Variants in RNLS observed in about 807,000 individuals in gnomAD.
The protein encoded by RNLS is renalase, FAD dependent amine oxidase.
Under a neutral mutation model 39.8 loss-of-function variants are expected in RNLS, and 39 were observed. The ratio of observed to expected loss-of-function variants is 0.98; its 90% CI spans 0.76 to 1.28. RNLS has a LOEUF of 1.28. Ranked by LOEUF, RNLS falls within the 50% of genes most tolerant of loss-of-function variation. RNLS has a pLI of 0.00. For missense variants in RNLS, 410 were observed against 413.3 expected, an observed-to-expected ratio of 0.99 and a Z score of 0.07; for synonymous variants, 147 against 150.7, an observed-to-expected ratio of 0.98 and a Z score of 0.18.
the RNLS span, among the ~76,000 whole-genome samples, chr10:88,203,266 A>ATG: frequency 3.1e-3 from 31 of 10,138 alleles, 7 homozygotes; most frequent in East Asian, 0.056. Flanking sequence ...GTGTGTGTGT[A>ATG]TGTATATATA....
the RNLS span, among the ~76,000 whole-genome samples, chr10:88,213,201 C>T: frequency 1.3e-5 from 2 of 151,990 alleles, no homozygotes; most frequent in Admixed American, 1.3e-4. Context: ...AAATAAATTG[C>T]CATATAAGAT....
intron 6 of RNLS, among the ~76,000 whole-genome samples, chr10:88,286,793 G>GTTTTTTT (rs34199618): frequency 2.7e-5 from 4 of 148,648 alleles, no homozygotes; most frequent in Non-Finnish European, 6.0e-5. Context: ...TTCCCTTACA[G>GTTTTTTT]TTTTTTTTTT....
chr10:88,238,734 A>T, the RNLS span, among the ~76,000 whole-genome samples: 4 of 152,234 alleles, frequency 2.6e-5, no homozygotes, highest in African/African-American at 9.6e-5. Flanking sequence ...GGCTGGGAGT[A>T]GGTTACACAA....
At chr10:88,569,739 T>C (rs1351845922) in intron 4 of RNLS, among the ~76,000 whole-genome samples, 1 of 152,156 alleles carries the variant, frequency 6.6e-6, no homozygotes, top group South Asian at 2.1e-4. Context: ...ATTTAATAAG[T>C]GGTGTTGGGA....
chr10:88,502,596 T>C (rs1371383965), intron 4 of RNLS, among the ~76,000 whole-genome samples: 1 of 152,146 alleles, frequency 6.6e-6, no homozygotes, highest in Non-Finnish European at 1.5e-5. Flanking sequence ...AATAAACCTC[T>C]TTTCTTTATA....
chr10:88,205,377 C>T, the RNLS span, among the ~76,000 whole-genome samples: 15 of 152,122 alleles, frequency 9.9e-5, no homozygotes, highest in African/African-American at 3.6e-4. Context: ...GAGTGAGCCT[C>T]TCTGTGAACG....
chr10:88,245,905 C>T, the RNLS span, among the ~76,000 whole-genome samples: 1 of 152,130 alleles, frequency 6.6e-6, no homozygotes, highest in Non-Finnish European at 1.5e-5. Context: ...CTTTTTCTTT[C>T]TGTTTATCTT....
the RNLS span, among the ~76,000 whole-genome samples, chr10:88,178,457 T>C: frequency 2.6e-5 from 4 of 152,148 alleles, no homozygotes; most frequent in Non-Finnish European, 5.9e-5. Context: ...GTGAGGACTC[T>C]CCTGTAGTTA....
At chr10:88,204,826 A>AGC in the RNLS span, among the ~76,000 whole-genome samples, 2 of 152,206 alleles carry the variant, frequency 1.3e-5, no homozygotes, top group East Asian at 1.9e-4. Context: ...CTTCAAAAAA[A>AGC]ATGTATTGAA....
At chr10:88,561,311 C>A (rs1043663113) in intron 4 of RNLS, among the ~76,000 whole-genome samples, 1 of 152,008 alleles carries the variant, frequency 6.6e-6, no homozygotes, top group African/African-American at 2.4e-5. Context: ...GACTTAAAAC[C>A]ACAAATTGAT....
intron 4 of RNLS, among the ~76,000 whole-genome samples, chr10:88,474,350 G>A (rs930813311): frequency 4.6e-5 from 7 of 152,126 alleles, no homozygotes; most frequent in African/African-American, 1.7e-4. Flanking sequence ...GGCATTTGAG[G>A]CAGGAGAATT....
intron 4 of RNLS, among the ~76,000 whole-genome samples, chr10:88,502,066 G>T (rs1482605019): frequency 6.6e-6 from 1 of 152,018 alleles, no homozygotes; most frequent in East Asian, 1.9e-4. Flanking sequence ...ACTTGTAAGG[G>T]TGTCCTTGCT....
the RNLS span, among the ~76,000 whole-genome samples, chr10:88,193,988 C>T: frequency 6.6e-6 from 1 of 152,180 alleles, no homozygotes; most frequent in Non-Finnish European, 1.5e-5. Context: ...TTTGCAAGCA[C>T]AGGTGATTTT....
At chr10:88,393,985 G>A (rs1852385738) in intron 4 of RNLS, among the ~76,000 whole-genome samples, 2 of 152,292 alleles carry the variant, frequency 1.3e-5, no homozygotes, top group South Asian at 4.1e-4. Flanking sequence ...AAACTGGCTA[G>A]CCATATGTAG....
At chr10:88,269,662 G>T (rs1341846417), downstream of RNLS, among the ~76,000 whole-genome samples, 1 of 152,204 alleles carries the variant, frequency 6.6e-6, no homozygotes, top group Non-Finnish European at 1.5e-5. Context: ...TTGGGCAACA[G>T]GGGCCTGAGA....
At chr10:88,370,923 GCA>G (rs932094399) in intron 4 of RNLS, among the ~76,000 whole-genome samples, 17 of 152,112 alleles carry the variant, frequency 1.1e-4, no homozygotes, top group Non-Finnish European at 2.4e-4. Flanking sequence ...AGGGCTAGAA[GCA>G]CAGTTTTAGA....
chr10:88,567,909 A>T (rs2576163), intron 4 of RNLS, among the ~76,000 whole-genome samples: 126,527 of 152,204 alleles, frequency 0.83, 53,272 homozygotes, highest in East Asian at 0.98. Flanking sequence ...CTCTATCAAA[A>T]CCAAGGTCAA....
intron 4 of RNLS, among the ~76,000 whole-genome samples, chr10:88,477,283 A>G (rs567935375): frequency 6.0e-4 from 92 of 152,290 alleles, no homozygotes; most frequent in Non-Finnish European, 9.7e-4. Context: ...AAAACTGACG[A>G]AGGAACAACA....
the RNLS span, among the ~76,000 whole-genome samples, chr10:88,211,256 C>T: frequency 5.6e-4 from 85 of 152,274 alleles, no homozygotes; most frequent in Middle Eastern, 3.4e-3. Flanking sequence ...CCACTACAAT[C>T]CTCAATTCTC....
Sources: gnomAD v4.1 joint callset for allele counts (sites outside exome capture counted in the v4.1 genomes callset) on GRCh38, gnomAD v4.1.1 for gene constraint, MANE v1.5 for transcripts, NCBI Gene and HGNC (gene_info 2026-07-23, HGNC 2026-07-21) for gene names.